The following SPTLC3 variants were observed in gnomAD, a reference collection of about 807,000 sequenced individuals.
SPTLC3 encodes the protein serine palmitoyltransferase long chain base subunit 3.
A neutral mutation model predicts 59.3 loss-of-function variants in SPTLC3; 36 were observed. That is an observed-to-expected ratio of 0.61 (90% CI 0.47 to 0.80). SPTLC3 has a LOEUF of 0.80. Among genes scored for constraint, SPTLC3 ranks in the 30% least tolerant of loss-of-function variants. The pLI is 0.00. For synonymous variants in SPTLC3, 257 were observed against 240.8 expected, an observed-to-expected ratio of 1.07 and a Z score of -0.62; for missense variants, 625 against 685.1, an observed-to-expected ratio of 0.91 and a Z score of 0.98.
intron 4 of SPTLC3, 107 bp from the exon 5 acceptor site, chr20:13,090,976 C>G (rs1275594233): frequency 1.4e-6 from 2 of 1,418,016 alleles, no homozygotes; most frequent in Non-Finnish European, 1.9e-6. Context: ...CTGCTACAAG[C>G]ACTCTTGTAT....
intron 1 of SPTLC3, 56 bp from the exon 2 acceptor site, chr20:13,048,889 C>T: frequency 7.0e-7 from 1 of 1,423,676 alleles, no homozygotes; most frequent in Non-Finnish European, 9.3e-7. Flanking sequence ...TTTTAGGTAT[C>T]ATAGTATATC....
chr20:13,044,842 C>T (rs1987157888), intron 1 of SPTLC3, among the ~76,000 whole-genome samples: 1 of 152,168 alleles, frequency 6.6e-6, no homozygotes, highest in African/African-American at 2.4e-5. Context: ...AGCAAATCAT[C>T]TTCATTGTTA....
rs1044436043 is a variant in SPTLC3, at chr20:13,073,978, T to C, written c.459-371T>C. ...GTGGATGTTACCAACTCCTGGTATA[T>C]CCTGATGACCAATGAATATCGGAGA... On this transcript the variant is annotated intron_variant, in intron 3 of 11. Coordinates refer to ENST00000399002, the MANE Select transcript of SPTLC3 (RefSeq NM_018327.4). The C allele has an allele frequency of 1.7e-5, 10 of 603,394 alleles. No individual in the cohort carries two copies. In the Admixed American group the frequency reaches 1.9e-4, roughly 11 times the overall value. 37.4% of individuals were successfully genotyped at this position (603,394 alleles called of 1,614,324 possible).
chr20:13,103,345 C>T (rs183926149), intron 6 of SPTLC3, among the ~76,000 whole-genome samples: 102 of 152,216 alleles, frequency 6.7e-4, no homozygotes, highest in African/African-American at 2.0e-3. Context: ...TTTAAATACC[C>T]GCTACTTACT....
At chr20:13,120,713 A>G (rs1990857316) in intron 8 of SPTLC3, among the ~76,000 whole-genome samples, 1 of 152,344 alleles carries the variant, frequency 6.6e-6, no homozygotes, top group South Asian at 2.1e-4. Flanking sequence ...CGATACTACT[A>G]GAGGAAACAG....
chr20:13,130,079 CA>C (rs2122817715), intron 9 of SPTLC3, among the ~76,000 whole-genome samples: 1 of 152,324 alleles, frequency 6.6e-6, no homozygotes, highest in Admixed American at 6.5e-5. Context: ...ACAGAATTAT[CA>C]GCCAAGTTTC....
At chr20:13,112,427 A>G (rs535200153) in intron 7 of SPTLC3, among the ~76,000 whole-genome samples, 2 of 152,320 alleles carry the variant, frequency 1.3e-5, no homozygotes, top group South Asian at 4.1e-4. Flanking sequence ...CGGCACTGAG[A>G]CATTATCACT....
chr20:13,074,624 A>T, intron 4 of SPTLC3, 127 bp downstream of exon 4: 1 of 1,128,862 alleles, frequency 8.9e-7, no homozygotes, highest in Non-Finnish European at 1.2e-6. Flanking sequence ...AGAAAGAAAA[A>T]AAAGAGATAT....
chr20:13,011,472 G>A (rs1985246097), intron 1 of SPTLC3, among the ~76,000 whole-genome samples: 1 of 152,156 alleles, frequency 6.6e-6, no homozygotes, highest in African/African-American at 2.4e-5. Flanking sequence ...CAGCAACACA[G>A]TTATCTCTTT....
intron 10 of SPTLC3, among the ~76,000 whole-genome samples, chr20:13,156,229 T>G (rs187574220): frequency 7.2e-5 from 11 of 152,270 alleles, no homozygotes; most frequent in Non-Finnish European, 1.2e-4. Flanking sequence ...AACACATAAT[T>G]CTGGAGTGTT....
At chr20:13,143,784 G>A (rs1161221430) in intron 9 of SPTLC3, among the ~76,000 whole-genome samples, 1 of 152,206 alleles carries the variant, frequency 6.6e-6, no homozygotes, top group Non-Finnish European at 1.5e-5. Flanking sequence ...GCCCTTTCAA[G>A]GAACCACATT....
chr20:13,131,127 C>A (rs1465149889), intron 9 of SPTLC3, among the ~76,000 whole-genome samples: 5 of 100,576 alleles, frequency 5.0e-5, no homozygotes, highest in African/African-American at 2.2e-4. Flanking sequence ...CACACCGACT[C>A]CCCTGAGAAA....
At chr20:13,156,972 AT>A (rs1381638390) in intron 10 of SPTLC3, among the ~76,000 whole-genome samples, 4 of 152,194 alleles carry the variant, frequency 2.6e-5, no homozygotes, top group Non-Finnish European at 4.4e-5. Context: ...GCTGGATAAT[AT>A]GTCAAACAAT....
chr20:13,134,419 T>G (rs533682077), intron 9 of SPTLC3, among the ~76,000 whole-genome samples: 9 of 152,314 alleles, frequency 5.9e-5, no homozygotes, highest in African/African-American at 2.2e-4. Flanking sequence ...TCACTGATGT[T>G]GGGGAAAGTT....
intron 8 of SPTLC3, 91 bp downstream of exon 8, chr20:13,117,816 T>A: frequency 8.1e-7 from 1 of 1,229,410 alleles, no homozygotes; most frequent in Non-Finnish European, 1.1e-6. Context: ...AAAGCTTCAA[T>A]TCAGTTCACC....
rs139984940 is a variant in SPTLC3 at position 13,027,202 on chromosome 20, G to T, written c.117+17818G>T. On this transcript the variant is annotated intron_variant, in intron 1 of 11. Coordinates refer to ENST00000399002, the MANE Select transcript of SPTLC3 (RefSeq NM_018327.4). Reference sequence around the variant, plus strand: ...TCTTTTATACAGGTTTGCTTCTGGAGAACCCAAAATTAAGACAGTGATTTT... The same window carrying T: ...TCTTTTATACAGGTTTGCTTCTGGATAACCCAAAATTAAGACAGTGATTTT... 2.6e-3 allele frequency among the ~76,000 whole-genome samples: 398 copies of T among 152,256 alleles called. 3 individuals are homozygous for T. Among genetic ancestry groups the T allele is most frequent in the African/African-American group, 9.0e-3 (372 of 41,530 alleles).
At chr20:13,055,799 C>T (rs1987697890) in intron 2 of SPTLC3, among the ~76,000 whole-genome samples, 1 of 152,018 alleles carries the variant, frequency 6.6e-6, no homozygotes, top group Non-Finnish European at 1.5e-5. Context: ...AAGGAAATGG[C>T]ATGGCTCAGG....
chr20:13,057,863 C>T (rs940778887), intron 2 of SPTLC3, among the ~76,000 whole-genome samples: 7 of 152,172 alleles, frequency 4.6e-5, no homozygotes, highest in African/African-American at 1.7e-4. Flanking sequence ...TCCAACTTTG[C>T]AAAATCCAGA....
intron 2 of SPTLC3, among the ~76,000 whole-genome samples, chr20:13,063,641 A>ATTTG (rs1358862365): frequency 2.7e-5 from 4 of 145,608 alleles, no homozygotes; most frequent in Admixed American, 2.0e-4. Flanking sequence ...TTTAAATTTT[A>ATTTG]TTTATTTATT....
Sources: allele counts gnomAD v4.1 joint callset (sites outside exome capture counted in the v4.1 genomes callset), GRCh38; gene constraint gnomAD v4.1.1; transcripts MANE v1.5; gene names NCBI Gene and HGNC (gene_info 2026-07-23, HGNC 2026-07-21).